Variants in ADGRV1 observed in about 807,000 individuals in gnomAD.
The protein encoded by ADGRV1 is G-protein coupled receptor 98.
ADGRV1 carries 359 observed loss-of-function variants against 596.2 expected under a neutral mutation model. The ratio of observed to expected loss-of-function variants is 0.60; its 90% CI spans 0.55 to 0.66. The LOEUF is 0.66. Ranked by LOEUF, ADGRV1 falls within the 30% of genes least tolerant of loss-of-function variation. The pLI is 0.00. For missense variants in ADGRV1, 7,274 were observed against 7,575.6 expected (o/e 0.96, Z 1.48); for synonymous variants, 2,681 against 2,679.2 (o/e 1.00, Z -0.02).
intron 83 of ADGRV1, among the ~76,000 whole-genome samples, chr5:90,872,799 C>G (rs943776702): frequency 6.6e-6 from 1 of 152,114 alleles, no homozygotes; most frequent in Non-Finnish European, 1.5e-5. Flanking sequence ...TCAGAGACCC[C>G]GGTAGTGCTT....
At chr5:90,728,184 C>A (rs1752049164) in intron 48 of ADGRV1, among the ~76,000 whole-genome samples, 2 of 152,160 alleles carry the variant, frequency 1.3e-5, no homozygotes. Context: ...CATTTATGAA[C>A]ACTTACCCTG....
At position 90,706,288 on chromosome 5, in the gene ADGRV1, C is replaced by T. The variant is rs746584201; in HGVS notation, c.8624C>T (p.Thr2875Ile). Residue 2875 changes from threonine (T) to isoleucine (I), a missense_variant, in exon 38 of 90, where the codon ACA (threonine) becomes ATA (isoleucine). This residue lies in a region of ADGRV1 where 3,643 missense variants were observed against 3,809.2 expected (regional missense o/e 0.96). Coordinates refer to ENST00000405460, the MANE Select transcript of ADGRV1 (RefSeq NM_032119.4). ...GGAATGCTGAGTCTGAAGAACCAAA[C>T]AGTAGGAAACCTAGCAGAGCCAGAA... ...VPGMLSLKNQ[T>I]VGNLAEPEVD... The T allele has an allele frequency of 6.2e-7, 1 of 1,613,456 alleles. No homozygotes were observed. Among genetic ancestry groups the T allele is most frequent in the East Asian group, 2.2e-5 (1 of 44,844 alleles).
intron 73 of ADGRV1, among the ~76,000 whole-genome samples, chr5:90,809,798 T>A (rs751527976): frequency 6.6e-6 from 1 of 152,226 alleles, no homozygotes; most frequent in Non-Finnish European, 1.5e-5. Context: ...GTTAGTTCCA[T>A]TACTGGCAGC....
Position 90,810,425 on chromosome 5 carries a change from T to C in ADGRV1, c.15165T>C (p.Phe5055=). The C allele has an allele frequency of 6.2e-7, 1 of 1,613,948 alleles. No individual in the cohort carries two copies. Among genetic ancestry groups the C allele is most frequent in the Non-Finnish European group, 8.5e-7 (1 of 1,179,836 alleles). ...TAGSAKPLED[F]EPVQNGELFF... ...GAAGCGCCAAGCCACTGGAAGATTTTGAGCCTGTTCAGAATGGGGAACTGT... is the reference window on the plus strand; with the variant it reads ...GAAGCGCCAAGCCACTGGAAGATTTCGAGCCTGTTCAGAATGGGGAACTGT... The change falls in exon 74 of 90, where the codon TTT becomes TTC. Residue 5055 remains phenylalanine (F), a synonymous_variant. Transcript: ENST00000405460.
chr5:91,030,349 G>C (rs977060793), intron 85 of ADGRV1, among the ~76,000 whole-genome samples: 11 of 151,892 alleles, frequency 7.2e-5, no homozygotes, highest in Non-Finnish European at 2.9e-5. Context: ...TATGTTTTTG[G>C]TATTTTGGTA....
At chr5:90,993,805 T>G (rs1781173346) in intron 85 of ADGRV1, among the ~76,000 whole-genome samples, 1 of 152,132 alleles carries the variant, frequency 6.6e-6, no homozygotes, top group Non-Finnish European at 1.5e-5. Flanking sequence ...TTTCAGCCAT[T>G]GTTTTATCAA....
chr5:90,774,008 T>C (rs575752075), intron 59 of ADGRV1, among the ~76,000 whole-genome samples, 178 bp from the exon 60 acceptor site: 1 of 152,326 alleles, frequency 6.6e-6, no homozygotes, highest in African/African-American at 2.4e-5. Flanking sequence ...TAAGTGGAAT[T>C]TGTATTCAGA....
chr5:91,081,296 A>T (rs997185709), intron 86 of ADGRV1, among the ~76,000 whole-genome samples: 45 of 152,016 alleles, frequency 3.0e-4, no homozygotes, highest in African/African-American at 1.0e-3. Context: ...AATTTGGGGG[A>T]TGGAGGAAAC....
At chr5:90,629,758 T>A in intron 9 of ADGRV1, 1 of 395,432 alleles carries the variant, frequency 2.5e-6, no homozygotes, top group East Asian at 4.0e-5. Context: ...AATATTTTAA[T>A]TAAGTGACAT....
At chr5:90,924,654 A>G (rs1774238208) in intron 83 of ADGRV1, among the ~76,000 whole-genome samples, 1 of 151,562 alleles carries the variant, frequency 6.6e-6, no homozygotes, top group African/African-American at 2.4e-5. Flanking sequence ...CCATTTGTCA[A>G]TTTTGTCTTT....
intron 70 of ADGRV1, among the ~76,000 whole-genome samples, chr5:90,798,754 A>G (rs1361046509): frequency 3.3e-5 from 5 of 152,218 alleles, no homozygotes; most frequent in Non-Finnish European, 7.3e-5. Context: ...CATACCTGGG[A>G]TGCAAGGCTG....
intron 85 of ADGRV1, among the ~76,000 whole-genome samples, chr5:91,007,212 G>A (rs1052456244): frequency 1.3e-5 from 2 of 152,234 alleles, no homozygotes; most frequent in South Asian, 2.1e-4. Context: ...CCCTGGAAGG[G>A]GCCATGCAAG....
chr5:90,655,853 A>G (rs1769331151), intron 20 of ADGRV1: 1 of 152,228 alleles, frequency 6.6e-6, no homozygotes, highest in Non-Finnish European at 1.5e-5. Flanking sequence ...ATCATTTACA[A>G]TCATTATAAG....
Position 90,778,544 on chromosome 5 carries a change from A to G in ADGRV1, c.12784A>G (p.Ser4262Gly), listed in dbSNP as rs1479013993. Residue 4262 changes from serine to glycine, a missense_variant, in exon 63 of 90, where the codon AGC becomes GGC. This residue lies in a region of ADGRV1 where 3,643 missense variants were observed against 3,809.2 expected (regional missense o/e 0.96). Coordinates refer to ENST00000405460, the MANE Select transcript of ADGRV1 (RefSeq NM_032119.4). ...SSTANITVVASDSPYGRFAFS... is the reference protein window; with the variant it reads ...SSTANITVVAGDSPYGRFAFS... ...CACTGCCAACATCACGGTGGTGGCC[A>G]GCGACTCTCCCTATGGCCGATTTGC... is the stretch of plus-strand genomic sequence containing the variant. 6.2e-7 allele frequency: 1 copy of G among 1,612,874 alleles called. No individual in the cohort carries two copies. Among genetic ancestry groups the G allele is most frequent in the Non-Finnish European group, 8.5e-7 (1 of 1,179,348 alleles).
intron 9 of ADGRV1, among the ~76,000 whole-genome samples, chr5:90,634,198 G>C (rs1248305288): frequency 1.3e-5 from 2 of 152,174 alleles, no homozygotes; most frequent in African/African-American, 4.8e-5. Context: ...TGAGAAGTTA[G>C]GTTTTGAAAA....
Position 90,776,486 on chromosome 5 carries a change from G to C in ADGRV1, c.12437G>C (p.Arg4146Pro), listed in dbSNP as rs772529287. The C allele has an allele frequency of 1.9e-6, 3 of 1,613,156 alleles. No individual in the cohort carries two copies. Among genetic ancestry groups the C allele is most frequent in the Non-Finnish European group, 2.5e-6 (3 of 1,179,442 alleles). Reference sequence around the variant, plus strand: ...TCAATAATTATTCGGGGTGATAAGCGAGCATCAGGAGAAGTTGGGATAGCT... The same window carrying C: ...TCAATAATTATTCGGGGTGATAAGCCAGCATCAGGAGAAGTTGGGATAGCT... ...SASIIIRGDKRASGEVGIAPS... is the reference protein window; with the variant it reads ...SASIIIRGDKPASGEVGIAPS... The change falls in exon 61 of 90, where the codon CGA becomes CCA. Residue 4146 changes from arginine (R) to proline (P), a missense_variant. Physicochemically the swap from Arg to Pro is moderately radical, Grantham distance 103. Transcript: ENST00000405460.
chr5:91,164,161 C>A lies in ADGRV1; in HGVS notation c.*261C>A. 2.0e-6 allele frequency: 1 copy of A among 507,584 alleles called. No individual in the cohort carries two copies. Among genetic ancestry groups the A allele is most frequent in the South Asian group, 2.0e-5 (1 of 50,970 alleles). The allele number at this position is 507,584 out of a possible 1,614,324, so 31.4% of individuals were successfully genotyped here. A position where few individuals can be genotyped will look rare whatever the true frequency, so the allele number is the denominator to read the frequency against. On this transcript the variant is annotated 3_prime_UTR_variant, in exon 90 of 90. Transcript: ENST00000405460. ...GGATATTAGTTGTTTTTTTAATCAT[C>A]CTATATGGCTAACATTGTTTAATGA...
At chr5:90,656,276 A>T (rs1769393927) in intron 20 of ADGRV1, among the ~76,000 whole-genome samples, 1 of 152,210 alleles carries the variant, frequency 6.6e-6, no homozygotes, top group African/African-American at 2.4e-5. Context: ...ATAATAATTC[A>T]ATATATTAAA....
chr5:90,938,251 A>G (rs569404399), intron 83 of ADGRV1, among the ~76,000 whole-genome samples: 2 of 152,288 alleles, frequency 1.3e-5, no homozygotes, highest in East Asian at 3.9e-4. Flanking sequence ...TTTTAATGTC[A>G]ATTAGGACAA....
Sources: gnomAD v4.1 joint callset for allele counts (sites outside exome capture counted in the v4.1 genomes callset) on GRCh38, gnomAD v4.1.1 for gene constraint, gnomAD v4.1.1 regional missense constraint, MANE v1.5 for transcripts, NCBI Gene and HGNC (gene_info 2026-07-23, HGNC 2026-07-21) for gene names.